GMPS: variants seen among roughly 807,000 people sequenced by gnomAD.
The protein encoded by GMPS is GMP synthase [glutamine-hydrolyzing].
Under a neutral mutation model 77.9 loss-of-function variants are expected in GMPS, and 15 were observed. That is an observed-to-expected ratio of 0.19 (90% CI 0.13 to 0.30). GMPS has a LOEUF of 0.30. Ranked by LOEUF, GMPS falls within the 10% of genes least tolerant of loss-of-function variation. The probability of loss-of-function intolerance (pLI) is 1.00; values close to 1 mark genes in which losing one functional copy is unlikely to be tolerated. For missense variants in GMPS, 590 were observed against 838.8 expected (o/e 0.70, Z 3.66); for synonymous variants, 224 against 275.9 (o/e 0.81, Z 1.86).
At chr3:155,920,222 C>T (rs770854542) in intron 10 of GMPS, among the ~76,000 whole-genome samples, 7 of 152,190 alleles carry the variant, frequency 4.6e-5, no homozygotes, top group Non-Finnish European at 2.9e-5. Flanking sequence ...TAATTTTTAT[C>T]TCAGAGTTTA....
chr3:155,914,347 G>A, intron 7 of GMPS, 72 bp from the exon 8 acceptor site: 1 of 1,124,074 alleles, frequency 8.9e-7, no homozygotes, highest in African/African-American at 1.6e-5. Flanking sequence ...TTTTCTTTCT[G>A]TATTTTGACT....
At chr3:155,905,596 T>C (rs1342683128) in intron 4 of GMPS, among the ~76,000 whole-genome samples, 10 of 152,202 alleles carry the variant, frequency 6.6e-5, no homozygotes, top group Non-Finnish European at 1.3e-4. Flanking sequence ...TGTATACTTA[T>C]TTCCAGTTAA....
At position 155,942,078 on chromosome 3, in the gene GMPS, T is replaced by A. The variant is rs77722703; in HGVS notation, c.*4386T>A. The stretch of plus-strand genomic sequence containing the variant: ...AATTAGAATCTGGAGGAGGTAGAAC[T>A]CAAGCATTTACAGTTTTGTTTTGTT... On this transcript the variant is annotated 3_prime_UTR_variant, in exon 16 of 16. Transcript: ENST00000496455. 0.014 allele frequency: 2,847 copies of A among 199,092 alleles called. 79 individuals are homozygous for A. The highest frequency in any genetic ancestry group is 0.061 in the African/African-American group (2,636 of 43,472). The allele number at this position is 199,092 out of a possible 1,614,324, so 12.3% of individuals were successfully genotyped here. A position where few individuals can be genotyped will look rare whatever the true frequency, so the allele number is the denominator to read the frequency against.
At chr3:155,913,822 A>C (rs554729311) in intron 7 of GMPS, among the ~76,000 whole-genome samples, 147 of 152,020 alleles carry the variant, frequency 9.7e-4, no homozygotes, top group Admixed American at 2.4e-3. Context: ...TGCCGGCCCT[A>C]ATCAGCATAA....
At chr3:155,913,760 A>G (rs1755098320) in intron 7 of GMPS, among the ~76,000 whole-genome samples, 1 of 151,930 alleles carries the variant, frequency 6.6e-6, no homozygotes, top group African/African-American at 2.4e-5. Flanking sequence ...ACCTCAAGTG[A>G]TCCACCCAAC....
At chr3:155,884,055 T>C (rs1276701604) in intron 1 of GMPS, among the ~76,000 whole-genome samples, 1 of 150,950 alleles carries the variant, frequency 6.6e-6, no homozygotes, top group African/African-American at 2.4e-5. Flanking sequence ...TTAATCTTTA[T>C]TATATTAATA....
At chr3:155,876,376 G>GT (rs1487745384) in intron 1 of GMPS, among the ~76,000 whole-genome samples, 1 of 152,194 alleles carries the variant, frequency 6.6e-6, no homozygotes, top group Non-Finnish European at 1.5e-5. Flanking sequence ...TTAGAAAAGA[G>GT]TAAGGAAGGA....
chr3:155,895,616 A>G (rs1754584337), intron 2 of GMPS: 1 of 152,004 alleles, frequency 6.6e-6, no homozygotes, highest in Non-Finnish European at 1.5e-5. Context: ...CGGCCCACCT[A>G]TTTTTAGAAG....
chr3:155,929,361 T>C (rs1755542275), intron 12 of GMPS, among the ~76,000 whole-genome samples: 1 of 152,174 alleles, frequency 6.6e-6, no homozygotes, highest in Admixed American at 6.5e-5. Context: ...ATGGGACATA[T>C]CTCAAAATAA....
chr3:155,927,434 G>A (rs2108135483), intron 12 of GMPS, among the ~76,000 whole-genome samples: 1 of 152,288 alleles, frequency 6.6e-6, no homozygotes, highest in Non-Finnish European at 1.5e-5. Context: ...TTAGAGAAGT[G>A]TTACAAAAAA....
Position 155,943,573 on chromosome 3 carries a change from G to C in GMPS, c.*5881G>C, listed in dbSNP as rs1468161393. ...ATAAAGAAATATTTTGTTAATTGGAGTAAGTAGTATTGTTATGAAATCACT... is the reference window on the plus strand; with the variant it reads ...ATAAAGAAATATTTTGTTAATTGGACTAAGTAGTATTGTTATGAAATCACT... On this transcript the variant is annotated 3_prime_UTR_variant, in exon 16 of 16. Transcript: ENST00000496455. 5.6e-6 allele frequency: 1 copy of C among 178,922 alleles called. No homozygotes were observed. The allele number at this position is 178,922 out of a possible 1,614,324, so 11.1% of individuals were successfully genotyped here.
Position 155,941,760 on chromosome 3 carries a change from G to A in GMPS, c.*4068G>A. The A allele has an allele frequency of 4.5e-6, 1 of 220,618 alleles. No homozygotes were observed. Among genetic ancestry groups the A allele is most frequent in the Non-Finnish European group, 9.1e-6 (1 of 110,096 alleles). 13.7% of individuals were successfully genotyped at this position (220,618 alleles called of 1,614,324 possible). Reference sequence around the variant, plus strand: ...GTTTAACACCACCAGATGATCAAGGGATCAGGGTATCTTTCTGGTATCTTT... The same window carrying A: ...GTTTAACACCACCAGATGATCAAGGAATCAGGGTATCTTTCTGGTATCTTT... On this transcript the variant is annotated 3_prime_UTR_variant, in exon 16 of 16. Transcript: ENST00000496455.
chr3:155,897,934 A>T lies in GMPS; in HGVS notation c.217A>T (p.Ile73Phe). 1 of 1,512,046 alleles carries T rather than the reference A, an allele frequency of 6.6e-7. No homozygotes were observed. The highest frequency in any genetic ancestry group is 1.7e-4 in the Middle Eastern group (1 of 5,834). The allele number at this position is 1,512,046 out of a possible 1,614,324, so 93.7% of individuals were successfully genotyped here. ...AIKEQGFRAIIISGGPNSVYA... is the reference protein window; with the variant it reads ...AIKEQGFRAIFISGGPNSVYA... ...TTGTTCCTTAAATCACAGTGCTATTATCATCTCTGGAGGACCTAATTCTGT... is the reference window on the plus strand; with the variant it reads ...TTGTTCCTTAAATCACAGTGCTATTTTCATCTCTGGAGGACCTAATTCTGT... The change falls in exon 3 of 16, where the codon ATC becomes TTC. Residue 73 changes from isoleucine (I) to phenylalanine (F), a missense_variant. By Grantham distance (21) the Ile-to-Phe change is conservative. This residue lies in a region of GMPS where 136 missense variants were observed against 225.6 expected (regional missense o/e 0.60). Coordinates refer to ENST00000496455, the MANE Select transcript of GMPS (RefSeq NM_003875.3).
intron 9 of GMPS, among the ~76,000 whole-genome samples, chr3:155,916,908 C>T (rs1279810760): frequency 1.3e-5 from 2 of 152,010 alleles, no homozygotes; most frequent in Non-Finnish European, 2.9e-5. Context: ...ACATCCTCAC[C>T]AAGACTTGTT....
chr3:155,931,576 A>G (rs1755619239), intron 12 of GMPS, among the ~76,000 whole-genome samples, 189 bp from the exon 13 acceptor site: 1 of 151,882 alleles, frequency 6.6e-6, no homozygotes, highest in East Asian at 1.9e-4. Context: ...ATTTATTTAT[A>G]CCATTAAAGA....
At chr3:155,879,840 C>T (rs1265065108) in intron 1 of GMPS, among the ~76,000 whole-genome samples, 9 of 148,522 alleles carry the variant, frequency 6.1e-5, no homozygotes, top group African/African-American at 1.2e-4. Context: ...AAGCAATTCT[C>T]CTGCCTCAGC....
intron 1 of GMPS, among the ~76,000 whole-genome samples, chr3:155,875,627 G>A (rs972912153): frequency 2.6e-5 from 4 of 152,216 alleles, no homozygotes; most frequent in Non-Finnish European, 5.9e-5. Context: ...TAATTCTGAA[G>A]CACTTTGTGA....
At position 155,893,610 on chromosome 3, in the gene GMPS, C is replaced by T. The variant is rs367754646; in HGVS notation, c.120C>T (p.Val40=). Residue 40 remains valine, a synonymous_variant, in exon 2 of 16, where the codon GTC becomes GTT. Transcript: ENST00000496455. ...ATGCTGGTGCTCAGTACGGGAAAGT[C>T]ATAGACCGAAGAGTGAGGGAACTGT... ...ILDAGAQYGK[V]IDRRVRELFV... 16 of 1,612,052 alleles carry T rather than the reference C, an allele frequency of 9.9e-6. No individual in the cohort carries two copies. The highest frequency in any genetic ancestry group is 1.2e-5 in the Non-Finnish European group (14 of 1,178,138).
At position 155,939,109 on chromosome 3, in the gene GMPS, G is replaced by T. The variant is rs988732322; in HGVS notation, c.*1417G>T. On this transcript the variant is annotated 3_prime_UTR_variant, in exon 16 of 16. Transcript: ENST00000496455. The stretch of plus-strand genomic sequence containing the variant: ...GAACAAGAAAACTGCTGCTGGACCA[G>T]CAAGGGAAGAGTTTCTGTCTGTCTT... The T allele has an allele frequency of 1.1e-4, 24 of 217,854 alleles. No individual in the cohort carries two copies. Among genetic ancestry groups the T allele is most frequent in the African/African-American group, 5.4e-4 (24 of 44,458 alleles). 13.5% of individuals were successfully genotyped at this position (217,854 alleles called of 1,614,324 possible).
Sources: gnomAD v4.1 joint callset for allele counts (sites outside exome capture counted in the v4.1 genomes callset) on GRCh38, gnomAD v4.1.1 for gene constraint, gnomAD v4.1.1 regional missense constraint, MANE v1.5 for transcripts, NCBI Gene and HGNC (gene_info 2026-07-23, HGNC 2026-07-21) for gene names.